The following LHX8 variants were observed in gnomAD, a reference collection of about 807,000 sequenced individuals.
The protein encoded by LHX8 is LIM homeobox 8.
In LHX8, 12 loss-of-function variants were observed where a neutral mutation model predicts 40.3. That is an observed-to-expected ratio of 0.30 (90% CI 0.19 to 0.48). The LOEUF (loss-of-function observed/expected upper bound fraction) is 0.48. Among genes scored for constraint, LHX8 ranks in the 20% least tolerant of loss-of-function variants. The probability of loss-of-function intolerance (pLI) is 0.99; values close to 1 mark genes in which losing one functional copy is unlikely to be tolerated. For synonymous variants in LHX8, 179 were observed against 162.0 expected, an observed-to-expected ratio of 1.10 and a Z score of -0.80; for missense variants, 344 against 433.7, an observed-to-expected ratio of 0.79 and a Z score of 1.84.
downstream of LHX8, among the ~76,000 whole-genome samples, chr1:75,162,448 C>T (rs1158627350): frequency 6.6e-6 from 1 of 152,104 alleles, no homozygotes; most frequent in Non-Finnish European, 1.5e-5. Context: ...GCACTGTTAG[C>T]AGTTTACAGC....
intron 3 of LHX8, among the ~76,000 whole-genome samples, chr1:75,139,642 ATTTC>A (rs1648257203): frequency 6.6e-6 from 1 of 152,206 alleles, no homozygotes; most frequent in Non-Finnish European, 1.5e-5. Context: ...ATTTCCTCAG[ATTTC>A]TTTCTGTTTT....
chr1:75,171,129 G>C, the LHX8 span, among the ~76,000 whole-genome samples: 1 of 152,244 alleles, frequency 6.6e-6, no homozygotes, highest in African/African-American at 2.4e-5. Flanking sequence ...AGCTTAACCA[G>C]CCCTGGCAGG....
the LHX8 span, among the ~76,000 whole-genome samples, chr1:75,179,828 C>T: frequency 0.16 from 24,846 of 151,974 alleles, 4,061 homozygotes; most frequent in African/African-American, 0.43. Flanking sequence ...TGGCTGGTAC[C>T]GGTTGTTCCT....
the LHX8 span, among the ~76,000 whole-genome samples, chr1:75,176,616 T>G: frequency 6.6e-6 from 1 of 152,214 alleles, no homozygotes; most frequent in Non-Finnish European, 1.5e-5. Context: ...TCTCCCATTC[T>G]GTAGGTTGCC....
At chr1:75,168,547 T>C in the LHX8 span, among the ~76,000 whole-genome samples, 2 of 152,248 alleles carry the variant, frequency 1.3e-5, no homozygotes, top group South Asian at 4.1e-4. Flanking sequence ...TTTCAATTTG[T>C]CCTGGATAAT....
intron 7 of LHX8, among the ~76,000 whole-genome samples, chr1:75,150,368 T>C: frequency 6.6e-6 from 1 of 152,310 alleles, no homozygotes; most frequent in East Asian, 1.9e-4. Context: ...TATGCAGTGA[T>C]GGTGGCAGTT....
At chr1:75,143,089 T>A in intron 4 of LHX8, 29 bp from the exon 5 acceptor site, 1 of 1,572,872 alleles carries the variant, frequency 6.4e-7, no homozygotes, top group East Asian at 2.2e-5. Flanking sequence ...CATTAAAATA[T>A]TTACCTTCCA....
chr1:75,195,631 C>G, the LHX8 span, among the ~76,000 whole-genome samples: 5 of 152,064 alleles, frequency 3.3e-5, no homozygotes, highest in South Asian at 2.1e-4. Context: ...ACTTGTTATT[C>G]TATACTTTGA....
rs554225650 is a variant in LHX8 at position 75,154,428 on chromosome 1, T to C, written c.781-2465T>C. Among the ~76,000 whole-genome samples, 88 of 152,146 alleles carry C rather than the reference T, an allele frequency of 5.8e-4. 1 individual carries two copies. Among genetic ancestry groups the C allele is most frequent in the Non-Finnish European group, 1.1e-3 (74 of 67,996 alleles). ...CAATCAAAAGATGGTGTTTCTTTTGTTTTACAACTGCATAGGTTCCATTCA... is the reference window on the plus strand; with the variant it reads ...CAATCAAAAGATGGTGTTTCTTTTGCTTTACAACTGCATAGGTTCCATTCA... On this transcript the variant is annotated intron_variant, in intron 7 of 8. Coordinates refer to ENST00000356261, the MANE Select transcript of LHX8 (RefSeq NM_001256114.2).
intron 8 of LHX8, among the ~76,000 whole-genome samples, chr1:75,158,248 A>G (rs970705489): frequency 6.6e-6 from 1 of 152,146 alleles, no homozygotes; most frequent in Non-Finnish European, 1.5e-5. Context: ...ATTTATTTAA[A>G]TGGATTTGCT....
chr1:75,184,154 C>G, the LHX8 span, among the ~76,000 whole-genome samples: 7 of 152,198 alleles, frequency 4.6e-5, no homozygotes, highest in East Asian at 1.9e-4. Context: ...CACGAAGATA[C>G]TTAGACTCCC....
intron 1 of LHX8, 121 bp from the exon 2 acceptor site, chr1:75,136,482 C>T (rs887887618): frequency 3.2e-4 from 225 of 693,548 alleles, no homozygotes; most frequent in Non-Finnish European, 4.9e-4. Context: ...GACGGCTGCA[C>T]GCGCTGCCCC....
rs1648391093 is a variant in LHX8, at chr1:75,143,934, G to A, written c.670G>A (p.Ala224Thr). Residue 224 changes from alanine to threonine, a missense_variant, in exon 6 of 9, where the codon GCA (alanine) becomes ACA (threonine). Around this residue, in one of 3 missense-constraint regions of LHX8, gnomAD observed 147 missense variants for 250.8 expected, o/e 0.59. Transcript: ENST00000356261. ...PAKRARTSFT[A>T]DQLQVMQAQF... ...AAAAAGAGCTCGGACCAGCTTTACA[G>A]CAGATCAGCTTCAGGTAAGCATAAC... is the stretch of plus-strand genomic sequence containing the variant. 1 of 1,613,094 alleles carries A rather than the reference G, an allele frequency of 6.2e-7. No homozygotes were observed. The highest frequency in any genetic ancestry group is 8.5e-7 in the Non-Finnish European group (1 of 1,179,270).
the LHX8 span, among the ~76,000 whole-genome samples, chr1:75,194,117 A>C: frequency 1.3e-5 from 2 of 152,200 alleles, no homozygotes; most frequent in African/African-American, 2.4e-5. Flanking sequence ...CAAATAAAAA[A>C]CAGTTTAGAC....
chr1:75,144,020 T>C, intron 6 of LHX8, 72 bp downstream of exon 6: 1 of 1,136,272 alleles, frequency 8.8e-7, no homozygotes, highest in Non-Finnish European at 1.3e-6. Flanking sequence ...ACCTCCATGC[T>C]GCCCAAAAAC....
chr1:75,130,999 T>A (rs1647945737), upstream of LHX8: 3 of 540,518 alleles, frequency 5.6e-6, no homozygotes, highest in Non-Finnish European at 6.7e-6. Flanking sequence ...TACAGTCCTA[T>A]GGCCCACTGT....
chr1:75,142,044 C>T (rs1037273679), intron 4 of LHX8, among the ~76,000 whole-genome samples: 1 of 152,070 alleles, frequency 6.6e-6, no homozygotes, highest in Non-Finnish European at 1.5e-5. Context: ...TATTTCTCAG[C>T]AGGTTTACTT....
the LHX8 span, among the ~76,000 whole-genome samples, chr1:75,173,246 C>G: frequency 6.6e-6 from 1 of 152,074 alleles, no homozygotes; most frequent in Non-Finnish European, 1.5e-5. Context: ...TTAATCCTCC[C>G]TATATCCCAC....
At chr1:75,159,136 G>C (rs1648847334) in intron 8 of LHX8, among the ~76,000 whole-genome samples, 1 of 152,014 alleles carries the variant, frequency 6.6e-6, no homozygotes, top group Non-Finnish European at 1.5e-5. Context: ...ATCTGGATTG[G>C]TAGTTATTTT....
Sources: gnomAD v4.1 joint callset for allele counts (sites outside exome capture counted in the v4.1 genomes callset) on GRCh38, gnomAD v4.1.1 for gene constraint, gnomAD v4.1.1 regional missense constraint, MANE v1.5 for transcripts, NCBI Gene and HGNC (gene_info 2026-07-23, HGNC 2026-07-21) for gene names.